The following ZNF532 variants were observed in gnomAD, a reference collection of about 807,000 sequenced individuals.
ZNF532 encodes the protein zinc finger protein 532.
A neutral mutation model predicts 89.3 loss-of-function variants in ZNF532; 22 were observed. The observed-to-expected ratio is 0.25, with a 90% CI of 0.18 to 0.35. The LOEUF (loss-of-function observed/expected upper bound fraction) is 0.35, where lower values mean the gene tolerates loss of function less well. Ranked by LOEUF, ZNF532 falls within the 10% of genes least tolerant of loss-of-function variation. The pLI is 1.00. For missense variants in ZNF532, 1,132 were observed against 1,643.4 expected (o/e 0.69, Z 5.38); for synonymous variants, 606 against 649.6 (o/e 0.93, Z 1.02).
intron 7 of ZNF532, among the ~76,000 whole-genome samples, chr18:58,966,749 T>C (rs1247452255): frequency 4.8e-4 from 73 of 151,174 alleles, no homozygotes; most frequent in Admixed American, 4.0e-3. Context: ...TTTTTTTTTT[T>C]TTTTTTTTTT....
intron 2 of ZNF532, among the ~76,000 whole-genome samples, chr18:58,883,851 G>A (rs1238381339): frequency 6.6e-6 from 1 of 152,154 alleles, no homozygotes; most frequent in Admixed American, 6.5e-5. Context: ...CATCCCAGTG[G>A]AGAGCCACTG....
intron 2 of ZNF532, among the ~76,000 whole-genome samples, chr18:58,875,303 GC>G (rs1311977630): frequency 2.0e-5 from 3 of 152,144 alleles, no homozygotes; most frequent in Non-Finnish European, 4.4e-5. Context: ...GAGCCACTGT[GC>G]CAAGTCCTTT....
At position 58,865,355 on chromosome 18, in the gene ZNF532, G is replaced by GT. The variant is rs1197699906; in HGVS notation, c.-158_-157insT. The stretch of plus-strand genomic sequence containing the variant: ...TTTAGAAGCTACTAAAGGGTGTTGG[G>GT]GATGCTTCTGACTATTATGAAGGCC... On this transcript the variant is annotated 5_prime_UTR_variant, in exon 1 of 10. The change abolishes the stop of an existing upstream ORF in the 5' untranslated region. Coordinates refer to ENST00000591808, the MANE Select transcript of ZNF532 (RefSeq NM_001375912.1). 1 of 152,262 alleles carries GT rather than the reference G, an allele frequency of 6.6e-6. No homozygotes were observed. The highest frequency in any genetic ancestry group is 1.9e-4 in the East Asian group (1 of 5,190). The allele number at this position is 152,262 out of a possible 1,614,324, so 9.4% of individuals were successfully genotyped here.
intron 7 of ZNF532, among the ~76,000 whole-genome samples, chr18:58,966,370 T>C (rs1020929276): frequency 6.6e-6 from 1 of 152,214 alleles, no homozygotes; most frequent in African/African-American, 2.4e-5. Flanking sequence ...CTTGCCTTGG[T>C]GTTTATAATT....
intron 5 of ZNF532, 74 bp downstream of exon 5, chr18:58,939,695 A>T: frequency 7.2e-7 from 1 of 1,391,404 alleles, no homozygotes; most frequent in East Asian, 2.3e-5. Flanking sequence ...TAGTCGTTCT[A>T]TTGAATAACA....
At chr18:58,869,545 C>G (rs2056789202) in intron 2 of ZNF532, among the ~76,000 whole-genome samples, 1 of 152,034 alleles carries the variant, frequency 6.6e-6, no homozygotes, top group African/African-American at 2.4e-5. Flanking sequence ...AAAGTGATAC[C>G]ACAGATCATT....
In ZNF532 at chr18:58,942,064, C is replaced by T. The variant is rs554677586; in HGVS notation, c.2705+2443C>T. ...CCCCCCCTCAGTCTCGCTGTGTCGC[C>T]CAGGCTGGAGTGCAGTGGCACGATC... On this transcript the variant is annotated intron_variant, in intron 5 of 9. Transcript: ENST00000591808. Among the ~76,000 whole-genome samples the T allele has an allele frequency of 3.8e-3, 550 of 146,606 alleles. 6 individuals carry two copies. Among genetic ancestry groups the T allele is most frequent in the Middle Eastern group, 0.033 (9 of 272 alleles).
In ZNF532 at chr18:58,985,355, C is replaced by T. The variant is rs1339996624; in HGVS notation, c.*889C>T. The T allele has an allele frequency of 6.6e-6, 1 of 152,634 alleles. No homozygotes were observed. Among genetic ancestry groups the T allele is most frequent in the Non-Finnish European group, 1.5e-5 (1 of 68,038 alleles). 9.5% of individuals were successfully genotyped at this position (152,634 alleles called of 1,614,324 possible). ...TTTTGTCATGTAATTTATTAACTAA[C>T]TATTACAGAAACACAGCTAAGAATA... On this transcript the variant is annotated 3_prime_UTR_variant, in exon 10 of 10. Coordinates refer to ENST00000591808, the MANE Select transcript of ZNF532 (RefSeq NM_001375912.1).
chr18:58,943,364 G>A (rs1006198199), intron 5 of ZNF532, among the ~76,000 whole-genome samples: 3 of 151,420 alleles, frequency 2.0e-5, no homozygotes, highest in South Asian at 2.1e-4. Flanking sequence ...GTTTCACCAT[G>A]TTAGCCAGGA....
At chr18:58,952,947 T>TC (rs1464795618) in intron 6 of ZNF532, among the ~76,000 whole-genome samples, 1 of 152,148 alleles carries the variant, frequency 6.6e-6, no homozygotes, top group East Asian at 1.9e-4. Context: ...AAAGGATGGG[T>TC]CGGGATAGGA....
chr18:58,978,670 C>A (rs1278950017), intron 7 of ZNF532, among the ~76,000 whole-genome samples: 1 of 152,066 alleles, frequency 6.6e-6, no homozygotes, highest in Non-Finnish European at 1.5e-5. Flanking sequence ...TTCCTAAATA[C>A]AGGTTGAGTA....
chr18:58,910,848 A>G (rs1312392847), intron 2 of ZNF532, among the ~76,000 whole-genome samples: 1 of 151,378 alleles, frequency 6.6e-6, no homozygotes, highest in East Asian at 1.9e-4. Flanking sequence ...GAACTATTCC[A>G]TGAGCCCTAA....
chr18:58,977,740 C>G (rs1423972761), intron 7 of ZNF532: 2 of 152,152 alleles, frequency 1.3e-5, no homozygotes, highest in Non-Finnish European at 2.9e-5. Context: ...GCCCCAGCTA[C>G]TCGGGAGGCT....
chr18:58,874,367 A>G (rs1367137066), intron 2 of ZNF532, among the ~76,000 whole-genome samples: 2 of 151,608 alleles, frequency 1.3e-5, no homozygotes, highest in East Asian at 1.9e-4. Context: ...TTTTTGAGAG[A>G]TAGTTTTGCT....
intron 7 of ZNF532, chr18:58,954,214 T>C (rs1308334934): frequency 1.0e-6 from 1 of 990,072 alleles, no homozygotes; most frequent in Non-Finnish European, 1.2e-6. Flanking sequence ...ACTTACATGA[T>C]TCTTCCTTGA....
intron 5 of ZNF532, among the ~76,000 whole-genome samples, chr18:58,940,597 C>G (rs2062901763): frequency 6.6e-6 from 1 of 152,112 alleles, no homozygotes; most frequent in Non-Finnish European, 1.5e-5. Flanking sequence ...GCCATCTTCT[C>G]CCCCATGAAG....
At chr18:58,894,560 T>C (rs1421984625) in intron 2 of ZNF532, among the ~76,000 whole-genome samples, 1 of 151,940 alleles carries the variant, frequency 6.6e-6, no homozygotes, top group East Asian at 1.9e-4. Flanking sequence ...ACTAATCAAA[T>C]CCAGTAAACC....
intron 5 of ZNF532, 84 bp from the exon 6 acceptor site, chr18:58,947,983 C>T: frequency 7.3e-7 from 1 of 1,370,298 alleles, no homozygotes; most frequent in Admixed American, 2.3e-5. Context: ...GCCTCTGCCT[C>T]CCAAGTTCTT....
At chr18:58,944,122 G>A (rs777132040) in intron 5 of ZNF532, among the ~76,000 whole-genome samples, 15 of 152,324 alleles carry the variant, frequency 9.8e-5, no homozygotes, top group South Asian at 8.3e-4. Flanking sequence ...TGGCTGTGGG[G>A]ATTAGGTGTA....
Sources: allele counts gnomAD v4.1 joint callset (sites outside exome capture counted in the v4.1 genomes callset), GRCh38; gene constraint gnomAD v4.1.1; transcripts MANE v1.5; gene names NCBI Gene and HGNC (gene_info 2026-07-23, HGNC 2026-07-21).